The following MYL1 variants were observed in gnomAD, a reference collection of about 807,000 sequenced individuals.
MYL1 encodes the protein myosin light chain 1/3, skeletal muscle isoform.
Under a neutral mutation model 21.8 loss-of-function variants are expected in MYL1, and 16 were observed. The observed-to-expected ratio is 0.74, with a 90% CI of 0.50 to 1.12. MYL1 has a LOEUF of 1.12. Among genes scored for constraint, MYL1 ranks in the 50% most tolerant of loss-of-function variants. MYL1 has a pLI of 0.00. For missense variants in MYL1, 246 were observed against 241.0 expected, an observed-to-expected ratio of 1.02 and a Z score of -0.14; for synonymous variants, 99 against 85.2, an observed-to-expected ratio of 1.16 and a Z score of -0.89.
intron 5 of MYL1, 146 bp from the exon 6 acceptor site, chr2:210,291,220 C>T (rs1367091904): frequency 3.2e-6 from 2 of 618,740 alleles, no homozygotes; most frequent in Non-Finnish European, 5.6e-6. Flanking sequence ...GTGTATAGCT[C>T]ATAATTCTTA....
rs756189605 is a variant in MYL1 at position 210,314,972 on chromosome 2, G to C, written c.71C>G (p.Pro24Arg). 6.2e-7 allele frequency: 1 copy of C among 1,612,722 alleles called. No homozygotes were observed. Among genetic ancestry groups the C allele is most frequent in the Non-Finnish European group, 8.5e-7 (1 of 1,179,368 alleles). Residue 24 changes from proline (P) to arginine (R), a missense_variant, in exon 1 of 7, where the codon CCT becomes CGT. Transcript: ENST00000352451. The stretch of plus-strand genomic sequence containing the variant: ...TTTGGCTGGGGCAGGGGCAGGTGCA[G>C]GTGCCGGTGCCGGGGCTGGGGCAGC... ...AAAAPAPAPA[P>R]APAPAPAKPK... is the part of the protein sequence containing the mutation.
At chr2:210,308,412 A>ATATATG (rs1690371018) in intron 1 of MYL1, among the ~76,000 whole-genome samples, 1 of 49,822 alleles carries the variant, frequency 2.0e-5, no homozygotes, top group Non-Finnish European at 4.7e-5. Flanking sequence ...ATATATATAT[A>ATATATG]TATATATATA....
At position 210,314,973 on chromosome 2, in the gene MYL1, G is replaced by T. The variant is rs1690470944; in HGVS notation, c.70C>A (p.Pro24Thr). The T allele has an allele frequency of 6.2e-7, 1 of 1,612,476 alleles. No individual in the cohort carries two copies. Among genetic ancestry groups the T allele is most frequent in the Non-Finnish European group, 8.5e-7 (1 of 1,179,240 alleles). The change falls in exon 1 of 7, where the codon CCT becomes ACT. Residue 24 changes from proline (P) to threonine (T), a missense_variant. Pro to Thr is a conservative substitution (Grantham distance 38). Transcript: ENST00000352451. ...AAAAPAPAPA[P>T]APAPAPAKPK... The stretch of plus-strand genomic sequence containing the variant: ...TTGGCTGGGGCAGGGGCAGGTGCAG[G>T]TGCCGGTGCCGGGGCTGGGGCAGCC...
At chr2:210,313,660 C>T (rs1012364991) in intron 1 of MYL1, among the ~76,000 whole-genome samples, 4 of 151,496 alleles carry the variant, frequency 2.6e-5, no homozygotes, top group Non-Finnish European at 5.9e-5. Context: ...ATTAAATATT[C>T]GTGATAATTT....
intron 1 of MYL1, 94 bp from the exon 2 acceptor site, chr2:210,302,609 A>T: frequency 6.6e-7 from 1 of 1,517,068 alleles, no homozygotes; most frequent in Non-Finnish European, 9.0e-7. Context: ...AGTAATCTTC[A>T]AAGTAAGCTC....
At chr2:210,306,759 C>T (rs1012052752) in intron 1 of MYL1, among the ~76,000 whole-genome samples, 6 of 151,524 alleles carry the variant, frequency 4.0e-5, no homozygotes, top group African/African-American at 1.5e-4. Flanking sequence ...CTCTTGTTGC[C>T]CAGGCTGGAG....
intron 1 of MYL1, among the ~76,000 whole-genome samples, chr2:210,308,427 T>C (rs1482193423): frequency 1.1e-5 from 1 of 91,954 alleles, no homozygotes; most frequent in Non-Finnish European, 2.4e-5. Context: ...TATATATATA[T>C]ATATATATAT....
chr2:210,302,865 G>T (rs1476351700), intron 1 of MYL1: 21 of 1,499,790 alleles, frequency 1.4e-5, no homozygotes, highest in Non-Finnish European at 1.8e-5. Flanking sequence ...AAGAATGAGT[G>T]CTGGTTGCTC....
chr2:210,291,727 A>G (rs1690078367), intron 5 of MYL1, among the ~76,000 whole-genome samples: 1 of 152,152 alleles, frequency 6.6e-6, no homozygotes, highest in Non-Finnish European at 1.5e-5. Flanking sequence ...ACATTGATAG[A>G]CATTCGATTG....
At chr2:210,307,511 A>G (rs189502754) in intron 1 of MYL1, among the ~76,000 whole-genome samples, 3 of 152,284 alleles carry the variant, frequency 2.0e-5, no homozygotes, top group Non-Finnish European at 4.4e-5. Flanking sequence ...TTATATTTGT[A>G]GCACCTTCCT....
intron 5 of MYL1, among the ~76,000 whole-genome samples, chr2:210,291,867 A>G (rs1196002009): frequency 6.6e-6 from 1 of 152,200 alleles, no homozygotes; most frequent in African/African-American, 2.4e-5. Flanking sequence ...GTGAAAGTAT[A>G]TCTAGAGACT....
At chr2:210,304,904 C>A (rs1053470130) in intron 1 of MYL1, among the ~76,000 whole-genome samples, 1 of 152,132 alleles carries the variant, frequency 6.6e-6, no homozygotes, top group African/African-American at 2.4e-5. Flanking sequence ...GGTAGCTTAC[C>A]TGAAAATAGC....
intron 2 of MYL1, 84 bp downstream of exon 2, chr2:210,302,404 C>G: frequency 1.5e-6 from 2 of 1,308,708 alleles, no homozygotes; most frequent in South Asian, 1.5e-5. Context: ...TTAGGAAGAG[C>G]TAAACTCATC....
chr2:210,293,223 T>C (rs1690108340), intron 5 of MYL1, among the ~76,000 whole-genome samples: 1 of 152,144 alleles, frequency 6.6e-6, no homozygotes, highest in African/African-American at 2.4e-5. Context: ...AAATTGGTAG[T>C]AGGAATTAAA....
intron 1 of MYL1, among the ~76,000 whole-genome samples, chr2:210,304,914 C>T (rs991218341): frequency 2.6e-5 from 4 of 152,136 alleles, no homozygotes; most frequent in South Asian, 2.1e-4. Flanking sequence ...CTGAAAATAG[C>T]GGGCAACTCC....
chr2:210,296,231 T>C (rs1475744438), intron 3 of MYL1, among the ~76,000 whole-genome samples: 1 of 152,200 alleles, frequency 6.6e-6, no homozygotes, highest in Non-Finnish European at 1.5e-5. Context: ...TAATGTGTAA[T>C]GATCAAATAA....
At chr2:210,290,822 CA>C (rs1690063885) in intron 6 of MYL1, among the ~76,000 whole-genome samples, 1 of 151,964 alleles carries the variant, frequency 6.6e-6, no homozygotes, top group Non-Finnish European at 1.5e-5. Flanking sequence ...TGAATGGAAG[CA>C]AAAACCTCAT....
At chr2:210,305,155 TCTCC>T (rs1559662735) in intron 1 of MYL1, among the ~76,000 whole-genome samples, 1 of 152,202 alleles carries the variant, frequency 6.6e-6, no homozygotes, top group Non-Finnish European at 1.5e-5. Context: ...CTTTGTAACT[TCTCC>T]TGAAACCATT....
chr2:210,311,421 G>C (rs959375132), intron 1 of MYL1, among the ~76,000 whole-genome samples: 1 of 151,988 alleles, frequency 6.6e-6, no homozygotes, highest in African/African-American at 2.4e-5. Context: ...GTCAATTGTT[G>C]ATGCAAAATT....
Sources: gnomAD v4.1 joint callset for allele counts (sites outside exome capture counted in the v4.1 genomes callset) on GRCh38, gnomAD v4.1.1 for gene constraint, MANE v1.5 for transcripts, NCBI Gene and HGNC (gene_info 2026-07-23, HGNC 2026-07-21) for gene names.